OPCML: variants seen among roughly 807,000 people sequenced by gnomAD.
OPCML encodes the protein opioid-binding protein/cell adhesion molecule.
In OPCML, 13 loss-of-function variants were observed where a neutral mutation model predicts 37.8. That is an observed-to-expected ratio of 0.34 (90% CI 0.22 to 0.55). OPCML has a LOEUF of 0.55. Among genes scored for constraint, OPCML ranks in the 20% least tolerant of loss-of-function variants. The pLI is 0.91. For missense variants in OPCML, 341 were observed against 435.6 expected, an observed-to-expected ratio of 0.78 and a Z score of 1.93; for synonymous variants, 176 against 168.8, an observed-to-expected ratio of 1.04 and a Z score of -0.33.
intron 1 of OPCML, among the ~76,000 whole-genome samples, chr11:133,371,169 G>A (rs1944666106): frequency 6.6e-6 from 1 of 152,204 alleles, no homozygotes; most frequent in South Asian, 2.1e-4. Context: ...ACAGGTGCTG[G>A]TGAAGATGCA....
At chr11:132,645,949 T>A (rs1165470625) in intron 3 of OPCML, among the ~76,000 whole-genome samples, 1 of 152,104 alleles carries the variant, frequency 6.6e-6, no homozygotes, top group African/African-American at 2.4e-5. Flanking sequence ...GAGAAGAACA[T>A]TAAAGGCAGA....
chr11:132,737,214 C>T (rs1381970572), intron 2 of OPCML, among the ~76,000 whole-genome samples: 2 of 152,116 alleles, frequency 1.3e-5, no homozygotes, highest in Non-Finnish European at 2.9e-5. Flanking sequence ...GAGTAGAAAG[C>T]GTAGTAAAAT....
chr11:133,162,736 C>A (rs1310147533), intron 1 of OPCML, among the ~76,000 whole-genome samples: 1 of 152,166 alleles, frequency 6.6e-6, no homozygotes, highest in Admixed American at 6.5e-5. Flanking sequence ...CAGAGGCTAG[C>A]GTGTTTCCCC....
At chr11:132,981,719 A>T in intron 1 of OPCML, among the ~76,000 whole-genome samples, 1 of 152,320 alleles carries the variant, frequency 6.6e-6, no homozygotes, top group Non-Finnish European at 1.5e-5. Context: ...CTTATTTTAG[A>T]AAAAGGGTTA....
chr11:132,437,497 G>C, intron 4 of OPCML, 138 bp from the exon 5 acceptor site: 1 of 1,470,888 alleles, frequency 6.8e-7, no homozygotes, highest in African/African-American at 1.4e-5. Flanking sequence ...CAAAGACATA[G>C]GGCATCATGT....
At position 132,436,575 on chromosome 11, in the gene OPCML, T is replaced by C. The variant is rs1239048942; in HGVS notation, c.764+84A>G. ...TTTCTGTTTTGCCTTATCTTTCCCCTTTTCTTCATCCTCATCCTTCTCCCA... is the reference window on the plus strand; with the variant it reads ...TTTCTGTTTTGCCTTATCTTTCCCCCTTTCTTCATCCTCATCCTTCTCCCA... On this transcript the variant is annotated intron_variant, in intron 6 of 7. Coordinates refer to ENST00000524381, the MANE Select transcript of OPCML (RefSeq NM_001012393.5). 7.0e-6 allele frequency: 11 copies of C among 1,566,964 alleles called. No homozygotes were observed. The East Asian group carries it at 2.5e-4, about 35-fold the overall frequency.
chr11:132,632,541 C>G (rs1164384898), intron 3 of OPCML, among the ~76,000 whole-genome samples: 1 of 152,022 alleles, frequency 6.6e-6, no homozygotes, highest in East Asian at 1.9e-4. Context: ...TCTCCAGTGG[C>G]TCTATGATTC....
chr11:133,313,383 C>A (rs931909347), intron 1 of OPCML, among the ~76,000 whole-genome samples: 2 of 152,202 alleles, frequency 1.3e-5, no homozygotes, highest in East Asian at 1.9e-4. Flanking sequence ...AACATCACTT[C>A]GGTCTTACAT....
Position 133,045,245 on chromosome 11 carries a change from G to A in OPCML, c.62-102235C>T, listed in dbSNP as rs184186517. 2.9e-4 allele frequency among the ~76,000 whole-genome samples: 44 copies of A among 152,264 alleles called. No individual in the cohort carries two copies. In the East Asian group the frequency reaches 3.7e-3, roughly 13 times the overall value. ...GATGGATTCTGATTCATGTCACATC[G>A]TTATTTCATGTCTGCATTTTGTCCC... On this transcript the variant is annotated intron_variant, in intron 1 of 7. Coordinates refer to ENST00000524381, the MANE Select transcript of OPCML (RefSeq NM_001012393.5).
chr11:132,861,088 G>T (rs1366788325), intron 2 of OPCML, among the ~76,000 whole-genome samples: 1 of 152,182 alleles, frequency 6.6e-6, no homozygotes, highest in African/African-American at 2.4e-5. Context: ...TCCCAAAGTA[G>T]ATATTTTCAT....
At chr11:132,638,186 T>TATATATATATATATAGAGAG (rs71067383) in intron 3 of OPCML, among the ~76,000 whole-genome samples, 17 of 131,016 alleles carry the variant, frequency 1.3e-4, no homozygotes, top group African/African-American at 4.4e-4. Context: ...TATATATATA[T>TATATATATATATATAGAGAG]ACAGAGAGAG....
chr11:133,471,526 G>T (rs1246789162), intron 1 of OPCML, among the ~76,000 whole-genome samples: 1 of 152,144 alleles, frequency 6.6e-6, no homozygotes, highest in Non-Finnish European at 1.5e-5. Context: ...TCTTGGGAGA[G>T]GGGAACTGGT....
At chr11:133,184,873 G>A (rs1430882297) in intron 1 of OPCML, among the ~76,000 whole-genome samples, 7 of 152,130 alleles carry the variant, frequency 4.6e-5, no homozygotes, top group Non-Finnish European at 7.4e-5. Context: ...ACCGTTTCCC[G>A]CAGGACGTTT....
intron 1 of OPCML, among the ~76,000 whole-genome samples, chr11:133,356,673 C>A (rs1435436353): frequency 6.6e-6 from 1 of 152,168 alleles, no homozygotes; most frequent in African/African-American, 2.4e-5. Flanking sequence ...TAGCCTTCAG[C>A]CCCTCTAAAT....
At chr11:132,469,521 GGTGT>G (rs1254251367) in intron 4 of OPCML, among the ~76,000 whole-genome samples, 1 of 149,724 alleles carries the variant, frequency 6.7e-6, no homozygotes, top group Non-Finnish European at 1.5e-5. Context: ...ATGTGTGTGG[GGTGT>G]GTGTGTATGT....
intron 3 of OPCML, among the ~76,000 whole-genome samples, chr11:132,565,042 T>C (rs1277429081): frequency 6.6e-6 from 1 of 152,208 alleles, no homozygotes; most frequent in East Asian, 1.9e-4. Flanking sequence ...GAAAGGGCTT[T>C]AAGAACTGTA....
chr11:132,730,052 C>T (rs1032946750), intron 2 of OPCML, among the ~76,000 whole-genome samples: 3 of 117,096 alleles, frequency 2.6e-5, no homozygotes, highest in Non-Finnish European at 4.9e-5. Flanking sequence ...CTTGCTCTGT[C>T]ACCCAGGCTG....
At chr11:133,391,513 C>A (rs183995560) in intron 1 of OPCML, among the ~76,000 whole-genome samples, 1 of 152,290 alleles carries the variant, frequency 6.6e-6, no homozygotes, top group Admixed American at 6.5e-5. Flanking sequence ...CAGTTCCAAC[C>A]ATCCTTTAGC....
chr11:133,157,185 G>A (rs917782668), intron 1 of OPCML, among the ~76,000 whole-genome samples: 5 of 152,142 alleles, frequency 3.3e-5, no homozygotes, highest in African/African-American at 9.7e-5. Flanking sequence ...AGAAAAAGTC[G>A]GCGCGCACAC....
Sources: gnomAD v4.1 joint callset for allele counts (sites outside exome capture counted in the v4.1 genomes callset) on GRCh38, gnomAD v4.1.1 for gene constraint, MANE v1.5 for transcripts, NCBI Gene and HGNC (gene_info 2026-07-23, HGNC 2026-07-21) for gene names.